Variants in LRP1B observed in about 807,000 individuals in gnomAD.
The protein encoded by LRP1B is LDL receptor related protein 1B, also known as low-density lipoprotein receptor-related protein 1B.
In LRP1B, 217 loss-of-function variants were observed where a neutral mutation model predicts 556.6. The observed-to-expected ratio is 0.39, with a 90% CI of 0.35 to 0.44. LRP1B has a LOEUF of 0.44. Ranked by LOEUF, LRP1B falls within the 20% of genes least tolerant of loss-of-function variation. LRP1B has a pLI of 1.00. For missense variants in LRP1B, 5,053 were observed against 5,620.8 expected (o/e 0.90, Z 3.23); for synonymous variants, 2,047 against 1,865.8 (o/e 1.10, Z -2.50).
rs145799468 is a variant in LRP1B at position 140,970,561 on chromosome 2, C to T, written c.2887+11599G>A. ...CCATCCAGCTTTGTTCTGTTGCTGG[C>T]GAGGAGCTACGTTCCTCAGTTGGAA... On this transcript the variant is annotated intron_variant, in intron 18 of 90. Transcript: ENST00000389484. 2.6e-3 allele frequency among the ~76,000 whole-genome samples: 390 copies of T among 152,142 alleles called. 2 individuals are homozygous for T. The highest frequency in any genetic ancestry group is 9.0e-3 in the African/African-American group (374 of 41,488).
At chr2:140,412,782 T>C (rs371042477) in intron 66 of LRP1B, among the ~76,000 whole-genome samples, 34 of 152,238 alleles carry the variant, frequency 2.2e-4, no homozygotes, top group South Asian at 1.4e-3. Context: ...GTTTTTTACA[T>C]TCTATCATAC....
intron 66 of LRP1B, among the ~76,000 whole-genome samples, chr2:140,415,775 C>G (rs1685171385): frequency 1.4e-5 from 2 of 146,262 alleles, no homozygotes; most frequent in Non-Finnish European, 3.1e-5. Context: ...CCCACCCATT[C>G]CTAACTCTCT....
At chr2:140,698,864 A>G (rs1686529879) in intron 41 of LRP1B, among the ~76,000 whole-genome samples, 1 of 152,058 alleles carries the variant, frequency 6.6e-6, no homozygotes, top group African/African-American at 2.4e-5. Context: ...ATTTGAAAAT[A>G]TTGGTTCTCT....
Position 141,349,541 on chromosome 2 carries a change from T to C in LRP1B, c.344-94900A>G, listed in dbSNP as rs1200581335. Among the ~76,000 whole-genome samples, 4 of 152,158 alleles carry C rather than the reference T, an allele frequency of 2.6e-5. No individual in the cohort carries two copies. The South Asian group carries it at 8.3e-4, about 32-fold the overall frequency. On this transcript the variant is annotated intron_variant, in intron 3 of 90. Coordinates refer to ENST00000389484, the MANE Select transcript of LRP1B (RefSeq NM_018557.3). Reference sequence around the variant, plus strand: ...CCCTATTGATAATTTTGAGACAAACTCTCTCTTCCCCTAAATCGAAACAAC... The same window carrying C: ...CCCTATTGATAATTTTGAGACAAACCCTCTCTTCCCCTAAATCGAAACAAC...
chr2:141,825,976 ATTAATT>A (rs1415428444), intron 1 of LRP1B, among the ~76,000 whole-genome samples: 2 of 152,182 alleles, frequency 1.3e-5, no homozygotes, highest in Non-Finnish European at 2.9e-5. Flanking sequence ...CAACGCACAT[ATTAATT>A]TTAAGTCACA....
chr2:140,468,729 A>G (rs1470934805), intron 60 of LRP1B, among the ~76,000 whole-genome samples: 1 of 152,260 alleles, frequency 6.6e-6, no homozygotes, highest in Admixed American at 6.5e-5. Flanking sequence ...CTTTCTCTAC[A>G]GCTTTCCCCT....
chr2:141,952,175 T>C (rs936660235), intron 1 of LRP1B, among the ~76,000 whole-genome samples: 3 of 131,426 alleles, frequency 2.3e-5, no homozygotes, highest in Non-Finnish European at 5.2e-5. Flanking sequence ...ACAAAGGACA[T>C]GAATTCATCC....
At chr2:141,473,068 C>A (rs1031502424) in intron 3 of LRP1B, among the ~76,000 whole-genome samples, 5 of 152,118 alleles carry the variant, frequency 3.3e-5, no homozygotes, top group African/African-American at 4.8e-5. Flanking sequence ...CTTCTGTCAA[C>A]ATATTCGAAC....
At chr2:141,002,384 A>C (rs1000736367) in intron 15 of LRP1B, among the ~76,000 whole-genome samples, 4 of 152,090 alleles carry the variant, frequency 2.6e-5, no homozygotes, top group African/African-American at 9.7e-5. Context: ...AAAAAAGTAC[A>C]GGAGGCATAT....
chr2:141,795,857 A>AAAATATATATATATATATAT lies in LRP1B; in HGVS notation c.205+14421_205+14422insATATATATATATATATATTT, dbSNP rs1491180183. ...GAAATAGAGAATGAAAACCAGGAGC[A>AAAATATATATATATATATAT]ATATATATATATATATATATATATA... On this transcript the variant is annotated intron_variant, in intron 2 of 90. Coordinates refer to ENST00000389484, the MANE Select transcript of LRP1B (RefSeq NM_018557.3). Among the ~76,000 whole-genome samples, 26 of 51,586 alleles carry AAAATATATATATATATATAT rather than the reference A, an allele frequency of 5.0e-4. 2 individuals are homozygous for AAAATATATATATATATATAT. The highest frequency in any genetic ancestry group is 7.4e-4 in the African/African-American group (10 of 13,476). 33.8% of individuals were successfully genotyped at this position (51,586 alleles called of 152,430 possible).
chr2:141,975,514 C>G (rs148244093), intron 1 of LRP1B, among the ~76,000 whole-genome samples: 1 of 152,072 alleles, frequency 6.6e-6, no homozygotes, highest in Admixed American at 6.6e-5. Context: ...GAAGAGAAAA[C>G]ACTGGGTGGC....
intron 1 of LRP1B, among the ~76,000 whole-genome samples, chr2:142,044,771 AAC>A (rs1704195914): frequency 7.4e-6 from 1 of 134,750 alleles, no homozygotes; most frequent in African/African-American, 2.6e-5. Flanking sequence ...CTGATACAGA[AAC>A]ACGCAATTAA....
intron 35 of LRP1B, among the ~76,000 whole-genome samples, chr2:140,726,852 T>C (rs1687611826): frequency 1.3e-5 from 2 of 152,150 alleles, no homozygotes; most frequent in Non-Finnish European, 2.9e-5. Context: ...TTTCTTCACA[T>C]CTTAATGGTT....
intron 14 of LRP1B, among the ~76,000 whole-genome samples, chr2:141,005,781 T>C (rs1194920448): frequency 6.6e-6 from 1 of 151,956 alleles, no homozygotes; most frequent in Non-Finnish European, 1.5e-5. Flanking sequence ...CAAGTCTGAG[T>C]TCTTTGGAAA....
intron 22 of LRP1B, among the ~76,000 whole-genome samples, 168 bp downstream of exon 22, chr2:140,907,707 CTT>C (rs1320227258): frequency 6.6e-6 from 1 of 152,082 alleles, no homozygotes; most frequent in Non-Finnish European, 1.5e-5. Flanking sequence ...ACATTGAAGA[CTT>C]TTACTGTAGC....
At chr2:140,939,885 A>ATTTTTTTTTT (rs3063651) in intron 20 of LRP1B, among the ~76,000 whole-genome samples, 3 of 132,652 alleles carry the variant, frequency 2.3e-5, no homozygotes, top group African/African-American at 8.5e-5. Context: ...ATTTGGTGTA[A>ATTTTTTTTTT]TTTTTTTTTT....
At chr2:140,466,231 G>A (rs1687544555) in intron 60 of LRP1B, among the ~76,000 whole-genome samples, 1 of 144,656 alleles carries the variant, frequency 6.9e-6, no homozygotes, top group African/African-American at 2.6e-5. Context: ...TATTCTATTT[G>A]TCTCTTTCAG....
At chr2:142,094,420 G>A (rs1424902068) in intron 1 of LRP1B, among the ~76,000 whole-genome samples, 1 of 151,888 alleles carries the variant, frequency 6.6e-6, no homozygotes, top group Non-Finnish European at 1.5e-5. Context: ...CATTTTGAGG[G>A]GCCACTTGGC....
intron 60 of LRP1B, among the ~76,000 whole-genome samples, chr2:140,465,450 G>T (rs1055319819): frequency 6.6e-6 from 1 of 152,136 alleles, no homozygotes. Flanking sequence ...CCAAATTCCC[G>T]TTAAGAAATG....
Sources: allele counts gnomAD v4.1 joint callset (sites outside exome capture counted in the v4.1 genomes callset), GRCh38; gene constraint gnomAD v4.1.1; transcripts MANE v1.5; gene names NCBI Gene and HGNC (gene_info 2026-07-23, HGNC 2026-07-21).